Variants in RNPEPL1 observed in about 807,000 individuals in gnomAD.
RNPEPL1 encodes arginyl aminopeptidase like 1.
Under a neutral mutation model 69.0 loss-of-function variants are expected in RNPEPL1, and 46 were observed. That is an observed-to-expected ratio of 0.67 (90% CI 0.53 to 0.85). The LOEUF (loss-of-function observed/expected upper bound fraction) is 0.85. Ranked by LOEUF, RNPEPL1 falls within the 40% of genes least tolerant of loss-of-function variation. The probability of loss-of-function intolerance (pLI) is 0.00; values close to 1 mark genes in which losing one functional copy is unlikely to be tolerated. For missense variants in RNPEPL1, 869 were observed against 992.5 expected (o/e 0.88, Z 1.67); for synonymous variants, 525 against 454.1 (o/e 1.16, Z -1.98).
At position 240,572,578 on chromosome 2, in the gene RNPEPL1, G is replaced by C. The variant is rs1162458941; in HGVS notation, c.669+15G>C. ...CCGTCGTCAAGGTCAGGGGCCGCCA[G>C]CTGCCGTCACCTTGCTCCCAGGACA... On this transcript the variant is annotated intron_variant, in intron 2 of 10. Coordinates refer to ENST00000270357, the MANE Select transcript of RNPEPL1 (RefSeq NM_018226.6). 6.5e-7 allele frequency: 1 copy of C among 1,535,746 alleles called. No homozygotes were observed. The highest frequency in any genetic ancestry group is 8.7e-7 in the Non-Finnish European group (1 of 1,146,686).
intron 2 of RNPEPL1, 34 bp from the exon 3 acceptor site, chr2:240,573,075 TG>T (rs1257095580): frequency 6.4e-7 from 1 of 1,558,188 alleles, no homozygotes; most frequent in Admixed American, 1.8e-5. Flanking sequence ...GTGCTGACGG[TG>T]GGGCCACCCG....
Position 240,575,416 on chromosome 2 carries a change from C to T in RNPEPL1, c.1402-86C>T, listed in dbSNP as rs549312720. On this transcript the variant is annotated intron_variant, in intron 7 of 10. Coordinates refer to ENST00000270357, the MANE Select transcript of RNPEPL1 (RefSeq NM_018226.6). ...TGTGCCCAGCACGTACCTTGGCGCA[C>T]GCCCTGCAGTGCCCTGCAGGCCTCT... The T allele has an allele frequency of 3.4e-4, 402 of 1,173,916 alleles. 3 individuals carry two copies. Among genetic ancestry groups the T allele is most frequent in the South Asian group, 2.2e-3 (173 of 79,478 alleles). 72.7% of individuals were successfully genotyped at this position (1,173,916 alleles called of 1,614,324 possible). A position where few individuals can be genotyped will look rare whatever the true frequency, so the allele number is the denominator to read the frequency against.
chr2:240,571,394 CA>C, intron 1 of RNPEPL1, among the ~76,000 whole-genome samples: 1 of 152,288 alleles, frequency 6.6e-6, no homozygotes, highest in East Asian at 1.9e-4. Context: ...AGGGCCTCTG[CA>C]CGAAGAGCAA....
chr2:240,575,734 C>T (rs1283276948), intron 8 of RNPEPL1, 124 bp downstream of exon 8: 2 of 740,896 alleles, frequency 2.7e-6, no homozygotes, highest in African/African-American at 3.5e-5. Flanking sequence ...TGTCCTTCAG[C>T]CAACCCTTGC....
At chr2:240,571,064 G>T (rs1325298913) in intron 1 of RNPEPL1, among the ~76,000 whole-genome samples, 1 of 152,120 alleles carries the variant, frequency 6.6e-6, no homozygotes, top group African/African-American at 2.4e-5. Flanking sequence ...CCTGCAGGGA[G>T]GTTCCTTCAT....
rs2093010623 is a variant in RNPEPL1 at position 240,568,511 on chromosome 2, G to A, written c.-76G>A. On this transcript the variant is annotated 5_prime_UTR_variant, in exon 1 of 11. Coordinates refer to ENST00000270357, the MANE Select transcript of RNPEPL1 (RefSeq NM_018226.6). The surrounding 1 kb of genome is among the most constrained non-coding windows in gnomAD (Gnocchi z 6.2). ...CTTCCTGTTGTGCCCGCGCCCCGCC[G>A]CCGCCGCCGCCCGGCGCCCCTCGCC... 4 of 734,084 alleles carry A rather than the reference G, an allele frequency of 5.4e-6. No homozygotes were observed. The highest frequency in any genetic ancestry group is 6.6e-6 in the Non-Finnish European group (4 of 603,690). The allele number at this position is 734,084 out of a possible 1,614,324, so 45.5% of individuals were successfully genotyped here.
chr2:240,575,794 TGGG>T (rs1253863406), intron 8 of RNPEPL1, 184 bp downstream of exon 8: 1 of 596,608 alleles, frequency 1.7e-6, no homozygotes, highest in African/African-American at 1.9e-5. Flanking sequence ...GGGCTGGGGT[TGGG>T]GGCCTCCCTG....
Position 240,576,883 on chromosome 2 carries a change from C to T in RNPEPL1, c.1777C>T (p.Leu593=), listed in dbSNP as rs1187134348. The T allele has an allele frequency of 6.2e-7, 1 of 1,613,338 alleles. No individual in the cohort carries two copies. Among genetic ancestry groups the T allele is most frequent in the South Asian group, 1.1e-5 (1 of 91,080 alleles). Reference sequence around the variant, plus strand: ...GAGCCTGTCCAAGTGCTACTCCTCCCTGCTGGACTCGATGAACGCTGAGAT... The same window carrying T: ...GAGCCTGTCCAAGTGCTACTCCTCCTTGCTGGACTCGATGAACGCTGAGAT... ...VMSLSKCYSS[L]LDSMNAEIRI... The change falls in exon 10 of 11, where the codon CTG becomes TTG. Residue 593 remains leucine (L), a synonymous_variant. Coordinates refer to ENST00000270357, the MANE Select transcript of RNPEPL1 (RefSeq NM_018226.6).
At position 240,575,153 on chromosome 2, in the gene RNPEPL1, C is replaced by T. The variant is rs1199408220; in HGVS notation, c.1401+11C>T. On this transcript the variant is annotated intron_variant, in intron 7 of 10. Transcript: ENST00000270357. ...GATGACTTTCTCCGAGTGAGCAGCC[C>T]CCTGCCCGGGACGGCCCTGCTGCCA... The T allele has an allele frequency of 6.2e-7, 1 of 1,606,968 alleles. No individual in the cohort carries two copies. The highest frequency in any genetic ancestry group is 1.1e-5 in the South Asian group (1 of 90,940).
rs962241402 is a variant in RNPEPL1, at chr2:240,580,928, A to G, written c.*3036A>G. On this transcript the variant is annotated 3_prime_UTR_variant, in exon 11 of 11. Coordinates refer to ENST00000270357, the MANE Select transcript of RNPEPL1 (RefSeq NM_018226.6). ...AAATTTCTAGGCCCTGGAGGTCCAA[A>G]TAAGGTTTTCTAAGTCCCTCAGGCC... is the stretch of plus-strand genomic sequence containing the variant. 1.2e-4 allele frequency: 18 copies of G among 152,212 alleles called. No homozygotes were observed. The highest frequency in any genetic ancestry group is 4.3e-4 in the African/African-American group (18 of 41,458). 9.4% of individuals were successfully genotyped at this position (152,212 alleles called of 1,614,324 possible).
At chr2:240,574,733 GTGCCTGGACCCC>G in intron 6 of RNPEPL1, 105 bp downstream of exon 6, 1 of 1,050,862 alleles carries the variant, frequency 9.5e-7, no homozygotes, top group Non-Finnish European at 1.4e-6. Flanking sequence ...GTCCTGCACT[GTGCCTGGACCCC>G]TGCCAAGGCC....
rs1384165310 is a variant in RNPEPL1 at position 240,568,623 on chromosome 2, G to A, written c.37G>A (p.Ala13Thr). 2 of 989,308 alleles carry A rather than the reference G, an allele frequency of 2.0e-6. No homozygotes were observed. Among genetic ancestry groups the A allele is most frequent in the East Asian group, 2.2e-4 (2 of 8,912 alleles). The allele number at this position is 989,308 out of a possible 1,614,324, so 61.3% of individuals were successfully genotyped here. ...GTGCTGCTGCCGCCAGGCGCCCGGC[G>A]CCGAGGCCGCGCCCGTCCGCCCGCC... Reference protein sequence around the residue: ...AQCCCRQAPGAEAAPVRPPPE... With the variant: ...AQCCCRQAPGTEAAPVRPPPE... The change falls in exon 1 of 11, where the codon GCC (alanine) becomes ACC (threonine). Residue 13 changes from alanine to threonine, a missense_variant. Ala to Thr is a moderately conservative substitution (Grantham distance 58, BLOSUM62 0). This residue lies in a region of RNPEPL1 where 259 missense variants were observed against 201.5 expected (regional missense o/e 1.29). Transcript: ENST00000270357. This position sits in a 1 kb window ranked among gnomAD's most constrained non-coding sequence, Gnocchi z 6.2.
chr2:240,570,352 C>T (rs1216429238), intron 1 of RNPEPL1, among the ~76,000 whole-genome samples: 2 of 152,206 alleles, frequency 1.3e-5, no homozygotes, highest in African/African-American at 2.4e-5. Flanking sequence ...GTGGCATAGT[C>T]CCCCAAGTCT....
chr2:240,574,421 G>A, intron 5 of RNPEPL1, 73 bp downstream of exon 5: 1 of 1,549,046 alleles, frequency 6.5e-7, no homozygotes, highest in Non-Finnish European at 8.8e-7. Flanking sequence ...GCCTAGCCTG[G>A]CCCCCCTGCC....
Position 240,580,174 on chromosome 2 carries a change from A to G in RNPEPL1, c.*2282A>G, listed in dbSNP as rs1004967354. On this transcript the variant is annotated 3_prime_UTR_variant, in exon 11 of 11. Coordinates refer to ENST00000270357, the MANE Select transcript of RNPEPL1 (RefSeq NM_018226.6). Reference sequence around the variant, plus strand: ...TCTTCCACCCAGCTTGCAAGTGCAGAATTTTTTTTTAGCTCGTCGCTTCCC... The same window carrying G: ...TCTTCCACCCAGCTTGCAAGTGCAGGATTTTTTTTTAGCTCGTCGCTTCCC... 1.1e-4 allele frequency: 16 copies of G among 152,218 alleles called. No homozygotes were observed. The highest frequency in any genetic ancestry group is 3.1e-4 in the African/African-American group (13 of 41,412). 9.4% of individuals were successfully genotyped at this position (152,218 alleles called of 1,614,324 possible).
At chr2:240,577,014 C>T in intron 10 of RNPEPL1, 24 bp downstream of exon 10, 2 of 1,611,908 alleles carry the variant, frequency 1.2e-6, no homozygotes, top group Non-Finnish European at 1.7e-6. Flanking sequence ...CCCAGGGGGC[C>T]AGCCTGGAAC....
At position 240,573,159 on chromosome 2, in the gene RNPEPL1, T is replaced by G; in HGVS notation, c.719T>G (p.Met240Arg). Residue 240 changes from methionine (M) to arginine (R), a missense_variant, in exon 3 of 11, where the codon ATG becomes AGG. Transcript: ENST00000270357. ...VLMSATRSAY[M>R]EEEGVFHFHM... is the part of the protein sequence containing the mutation. Reference sequence around the variant, plus strand: ...ATGAGTGCCACCCGGAGTGCATACATGGAGGAAGAAGGCGTCTTCCACTTC... The same window carrying G: ...ATGAGTGCCACCCGGAGTGCATACAGGGAGGAAGAAGGCGTCTTCCACTTC... 6.2e-7 allele frequency: 1 copy of G among 1,609,866 alleles called. No individual in the cohort carries two copies. Among genetic ancestry groups the G allele is most frequent in the Non-Finnish European group, 8.5e-7 (1 of 1,178,920 alleles).
At chr2:240,575,657 G>A in intron 8 of RNPEPL1, 47 bp downstream of exon 8, 2 of 1,488,420 alleles carry the variant, frequency 1.3e-6, no homozygotes, top group South Asian at 2.3e-5. Flanking sequence ...TGGGTATGAT[G>A]GCAGGCGGGG....
intron 4 of RNPEPL1, 107 bp downstream of exon 4, chr2:240,573,998 C>T (rs1189700840): frequency 3.7e-6 from 5 of 1,369,346 alleles, no homozygotes; most frequent in South Asian, 1.3e-5. Flanking sequence ...GGGGAGGAAG[C>T]GGAGCTCACC....
Sources: allele counts gnomAD v4.1 joint callset (sites outside exome capture counted in the v4.1 genomes callset), GRCh38; gene constraint gnomAD v4.1.1; regional missense constraint gnomAD v4.1.1; non-coding constraint Gnocchi (gnomAD v3.1); transcripts MANE v1.5; gene names NCBI Gene and HGNC (gene_info 2026-07-23, HGNC 2026-07-21).